Variants in PAK5 observed in about 807,000 individuals in gnomAD.
The protein encoded by PAK5 is p21 (RAC1) activated kinase 5, also known as serine/threonine-protein kinase PAK 5.
PAK5 carries 16 observed loss-of-function variants against 65.9 expected under a neutral mutation model. That is an observed-to-expected ratio of 0.24 (90% confidence interval 0.16 to 0.37). The LOEUF (loss-of-function observed/expected upper bound fraction) is 0.37. Ranked by LOEUF, PAK5 falls within the 10% of genes least tolerant of loss-of-function variation. PAK5 has a pLI of 1.00. For synonymous variants in PAK5, 371 were observed against 354.9 expected, an observed-to-expected ratio of 1.05 and a Z score of -0.51; for missense variants, 785 against 903.9, an observed-to-expected ratio of 0.87 and a Z score of 1.69.
At chr20:9,811,341 C>T (rs1162903666) in intron 1 of PAK5, among the ~76,000 whole-genome samples, 1 of 152,078 alleles carries the variant, frequency 6.6e-6, no homozygotes, top group African/African-American at 2.4e-5. Context: ...TTCTCTCTGT[C>T]TCTCTCTCTC....
intron 1 of PAK5, among the ~76,000 whole-genome samples, chr20:9,792,483 G>GT (rs2049060158): frequency 6.6e-6 from 1 of 152,158 alleles, no homozygotes; most frequent in Non-Finnish European, 1.5e-5. Flanking sequence ...GTCCATGACA[G>GT]TATCAGGAGT....
chr20:9,592,112 C>A (rs1322129087), intron 3 of PAK5, among the ~76,000 whole-genome samples: 1 of 152,140 alleles, frequency 6.6e-6, no homozygotes, highest in Non-Finnish European at 1.5e-5. Context: ...AAGTTTGAAA[C>A]TTCTAACCCC....
intron 3 of PAK5, among the ~76,000 whole-genome samples, chr20:9,640,627 C>T (rs527907376): frequency 1.6e-4 from 25 of 152,256 alleles, no homozygotes; most frequent in Non-Finnish European, 3.2e-4. Context: ...CGGACCCTCG[C>T]GGTGAGTGTT....
chr20:9,724,390 A>G (rs547671248), intron 1 of PAK5, among the ~76,000 whole-genome samples: 1 of 152,290 alleles, frequency 6.6e-6, no homozygotes, highest in South Asian at 2.1e-4. Flanking sequence ...TCTCTTGCAC[A>G]TTAAGGAACA....
chr20:9,784,945 G>T (rs1487343993), intron 1 of PAK5, among the ~76,000 whole-genome samples: 1 of 152,018 alleles, frequency 6.6e-6, no homozygotes, highest in Non-Finnish European at 1.5e-5. Context: ...TGGCAGTTTA[G>T]TCTCAAAGGA....
At chr20:9,705,240 A>G (rs530796839) in intron 2 of PAK5, among the ~76,000 whole-genome samples, 1 of 58,510 alleles carries the variant, frequency 1.7e-5, no homozygotes, top group Non-Finnish European at 4.1e-5. Flanking sequence ...GTGTCTAATT[A>G]AAAAAAAAAT....
intron 1 of PAK5, among the ~76,000 whole-genome samples, chr20:9,775,592 A>G (rs2327226): frequency 0.34 from 52,242 of 151,712 alleles, 9,211 homozygotes; most frequent in Middle Eastern, 0.49. Context: ...TCTACAAAAG[A>G]CCCTCATTTT....
chr20:9,603,615 A>C (rs2046399325), intron 3 of PAK5, among the ~76,000 whole-genome samples: 1 of 152,180 alleles, frequency 6.6e-6, no homozygotes, highest in South Asian at 2.1e-4. Context: ...AACTGTGTAC[A>C]TCCTCACCCA....
intron 1 of PAK5, among the ~76,000 whole-genome samples, chr20:9,740,318 T>C (rs1313960637): frequency 2.6e-5 from 4 of 152,058 alleles, no homozygotes; most frequent in Admixed American, 2.6e-4. Flanking sequence ...TAAGACAAAT[T>C]GGTATTCTCT....
chr20:9,753,017 C>G (rs1030181796), intron 1 of PAK5, among the ~76,000 whole-genome samples: 1 of 152,022 alleles, frequency 6.6e-6, no homozygotes, highest in Non-Finnish European at 1.5e-5. Context: ...CTCAGTTATC[C>G]TAGAAGTTCC....
At chr20:9,669,780 T>C (rs891809267) in intron 2 of PAK5, among the ~76,000 whole-genome samples, 1 of 152,130 alleles carries the variant, frequency 6.6e-6, no homozygotes, top group Non-Finnish European at 1.5e-5. Flanking sequence ...TAAAATTTTA[T>C]TATTATTATA....
chr20:9,557,006 G>A (rs1323554546), intron 7 of PAK5, among the ~76,000 whole-genome samples: 3 of 152,136 alleles, frequency 2.0e-5, no homozygotes, highest in Admixed American at 6.6e-5. Flanking sequence ...CACCCTCCAG[G>A]CAGCTCCGAA....
intron 3 of PAK5, among the ~76,000 whole-genome samples, chr20:9,633,729 G>A (rs536179993): frequency 3.9e-5 from 6 of 152,246 alleles, no homozygotes; most frequent in Admixed American, 2.6e-4. Context: ...CAGTATATGC[G>A]GTCCCTGTGT....
In PAK5 at chr20:9,539,567, G is replaced by C. The variant is rs2045226089; in HGVS notation, c.2055C>G (p.Pro685=). 1.2e-6 allele frequency: 2 copies of C among 1,613,548 alleles called. No individual in the cohort carries two copies. Among genetic ancestry groups the C allele is most frequent in the Non-Finnish European group, 1.7e-6 (2 of 1,179,924 alleles). The change falls in exon 10 of 10, where the codon CCC becomes CCG. Residue 685 remains proline (P), a synonymous_variant. Transcript: ENST00000353224. The part of the protein sequence containing the change: ...GFLDLMLVRE[P]SQRATAQELL... ...GTTCCTGGGCTGTTGCTCTCTGAGA[G>C]GGCTCCCTCACCAACATCAAGTCTA...
chr20:9,621,956 T>C (rs1173026064), intron 3 of PAK5, among the ~76,000 whole-genome samples: 1 of 152,194 alleles, frequency 6.6e-6, no homozygotes, highest in African/African-American at 2.4e-5. Flanking sequence ...CATAATATTC[T>C]TCAGCACTCT....
chr20:9,778,529 C>G (rs537403374), intron 1 of PAK5, among the ~76,000 whole-genome samples: 3 of 152,152 alleles, frequency 2.0e-5, no homozygotes, highest in African/African-American at 7.2e-5. Flanking sequence ...TGAGTCACCA[C>G]GACAGGCCAA....
chr20:9,785,415 G>A (rs547080036), intron 1 of PAK5, among the ~76,000 whole-genome samples: 1 of 152,302 alleles, frequency 6.6e-6, no homozygotes, highest in Non-Finnish European at 1.5e-5. Flanking sequence ...ATTTCAAAAT[G>A]GCTATGATGA....
intron 1 of PAK5, among the ~76,000 whole-genome samples, chr20:9,747,535 G>T (rs553010432): frequency 1.2e-4 from 18 of 150,980 alleles, no homozygotes; most frequent in East Asian, 9.8e-4. Context: ...TTCAATATAC[G>T]CAAATCAATA....
At chr20:9,733,925 C>T (rs957594529) in intron 1 of PAK5, among the ~76,000 whole-genome samples, 1 of 152,218 alleles carries the variant, frequency 6.6e-6, no homozygotes, top group Admixed American at 6.5e-5. Flanking sequence ...AAAGTCCAAA[C>T]ACAATGATCT....
Sources: allele counts gnomAD v4.1 joint callset (sites outside exome capture counted in the v4.1 genomes callset), GRCh38; gene constraint gnomAD v4.1.1; transcripts MANE v1.5; gene names NCBI Gene and HGNC (gene_info 2026-07-23, HGNC 2026-07-21).